COG5: variants seen among roughly 807,000 people sequenced by gnomAD.
COG5 encodes the protein component of oligomeric golgi complex 5.
COG5 carries 86 observed loss-of-function variants against 110.4 expected under a neutral mutation model. That is an observed-to-expected ratio of 0.78 (90% CI 0.65 to 0.93). The LOEUF is 0.93. COG5 is among the 40% of genes least tolerant of loss of function. COG5 has a pLI of 0.00. For synonymous variants in COG5, 360 were observed against 334.6 expected, an observed-to-expected ratio of 1.08 and a Z score of -0.83; for missense variants, 1,077 against 987.0, an observed-to-expected ratio of 1.09 and a Z score of -1.22.
In COG5 at chr7:107,533,743, C is replaced by G. The variant is rs113547939; in HGVS notation, c.418-6386G>C. Among the ~76,000 whole-genome samples the G allele has an allele frequency of 5.1e-3, 781 of 151,684 alleles. 32 individuals are homozygous for G. The highest frequency in any genetic ancestry group is 0.018 in the African/African-American group (738 of 41,028). On this transcript the variant is annotated intron_variant, in intron 5 of 21. Transcript: ENST00000297135. ...TGGAACCAAGTTGGAAAACACACTT[C>G]AAGATATTATCCAGGAGAACTTCCC...
rs184934059 is a variant in COG5 at position 107,467,363 on chromosome 7, A to T, written c.539-54731T>A. Among the ~76,000 whole-genome samples, 300 of 149,912 alleles carry T rather than the reference A, an allele frequency of 2.0e-3. 2 individuals carry two copies. Among genetic ancestry groups the T allele is most frequent in the African/African-American group, 6.9e-3 (279 of 40,696 alleles). ...AAATTGATAATCTGAAATTATTATT[A>T]TTTTTTTTTTGAGACCTAGTCTCAC... is the stretch of plus-strand genomic sequence containing the variant. On this transcript the variant is annotated intron_variant, in intron 6 of 21. Coordinates refer to ENST00000297135, the MANE Select transcript of COG5 (RefSeq NM_006348.5).
intron 7 of COG5, among the ~76,000 whole-genome samples, chr7:107,382,914 A>G (rs1815251873): frequency 6.6e-6 from 1 of 152,188 alleles, no homozygotes; most frequent in South Asian, 2.1e-4. Flanking sequence ...ATTCCTGTAA[A>G]TCAAACAGCA....
chr7:107,413,051 G>T (rs1792426072), intron 6 of COG5, among the ~76,000 whole-genome samples: 1 of 151,878 alleles, frequency 6.6e-6, no homozygotes. Context: ...CACTGCTCAG[G>T]CTGGAGTGTA....
chr7:107,481,494 T>A (rs575205175), intron 6 of COG5, among the ~76,000 whole-genome samples: 2 of 152,142 alleles, frequency 1.3e-5, no homozygotes, highest in Non-Finnish European at 2.9e-5. Flanking sequence ...TATATTAACA[T>A]ATTTATACTT....
At chr7:107,370,795 A>C (rs1238253434) in intron 8 of COG5, among the ~76,000 whole-genome samples, 3 of 141,092 alleles carry the variant, frequency 2.1e-5, no homozygotes, top group African/African-American at 7.7e-5. Context: ...AAAAAAAAAA[A>C]AAAAATTTAT....
chr7:107,226,679 G>A (rs1800364492), intron 19 of COG5, among the ~76,000 whole-genome samples: 1 of 152,174 alleles, frequency 6.6e-6, no homozygotes, highest in African/African-American at 2.4e-5. Context: ...CATCTGATAG[G>A]ACTGAAAACA....
In COG5 at chr7:107,355,218, A is replaced by G. The variant is rs561853823; in HGVS notation, c.1026+6815T>C. ...ACATAAATTTAAAAAATGAGTTACC[A>G]TGACACACCTATTAGAATAGCCGAT... On this transcript the variant is annotated intron_variant, in intron 10 of 21. Coordinates refer to ENST00000297135, the MANE Select transcript of COG5 (RefSeq NM_006348.5). Among the ~76,000 whole-genome samples the G allele has an allele frequency of 1.2e-4, 18 of 152,352 alleles. No individual in the cohort carries two copies. In the South Asian group the frequency reaches 2.7e-3, roughly 23 times the overall value.
chr7:107,207,810 G>A, intron 21 of COG5: 1 of 985,408 alleles, frequency 1.0e-6, no homozygotes, highest in Middle Eastern at 5.2e-4. Context: ...TTAAGCTCCA[G>A]AAAGCATCTG....
chr7:107,485,831 A>G (rs1456868658), intron 6 of COG5, among the ~76,000 whole-genome samples: 1 of 152,202 alleles, frequency 6.6e-6, no homozygotes, highest in Non-Finnish European at 1.5e-5. Flanking sequence ...AAAATATCAT[A>G]AGAATATAAG....
chr7:107,407,864 T>G (rs1312015898), intron 7 of COG5, among the ~76,000 whole-genome samples: 2 of 152,154 alleles, frequency 1.3e-5, no homozygotes, highest in Non-Finnish European at 2.9e-5. Context: ...GCCATAAGTG[T>G]CATTTGGGGA....
intron 16 of COG5, among the ~76,000 whole-genome samples, chr7:107,251,799 G>A (rs1802527760): frequency 6.6e-6 from 1 of 151,874 alleles, no homozygotes; most frequent in African/African-American, 2.4e-5. Context: ...TTAAAAAATA[G>A]CAAAGAAAAC....
intron 6 of COG5, among the ~76,000 whole-genome samples, chr7:107,502,935 AGTC>A (rs1355255990): frequency 8.0e-6 from 1 of 125,084 alleles, no homozygotes; most frequent in Non-Finnish European, 1.9e-5. Context: ...ACAGTTTACA[AGTC>A]TTATCTTCTC....
At chr7:107,546,527 C>T (rs541952990) in intron 5 of COG5, among the ~76,000 whole-genome samples, 1 of 149,062 alleles carries the variant, frequency 6.7e-6, no homozygotes, top group African/African-American at 2.4e-5. Context: ...CTTCCACCTC[C>T]CAGGCTCAAG....
chr7:107,365,202 T>A (rs769090964), intron 8 of COG5, among the ~76,000 whole-genome samples: 11 of 152,156 alleles, frequency 7.2e-5, no homozygotes, highest in Non-Finnish European at 1.5e-4. Context: ...TTAAGTTTTA[T>A]GTAAGTGATA....
At chr7:107,376,483 A>C (rs944546084) in intron 7 of COG5, among the ~76,000 whole-genome samples, 1 of 151,906 alleles carries the variant, frequency 6.6e-6, no homozygotes, top group Non-Finnish European at 1.5e-5. Flanking sequence ...TTCTGTGAAA[A>C]AGTCTTATAT....
At chr7:107,309,232 T>C (rs1024551199) in intron 11 of COG5, among the ~76,000 whole-genome samples, 1 of 152,172 alleles carries the variant, frequency 6.6e-6, no homozygotes, top group African/African-American at 2.4e-5. Context: ...AATATGATTA[T>C]TCATTTACTT....
At chr7:107,549,492 C>T (rs1422921423) in intron 3 of COG5, among the ~76,000 whole-genome samples, 7 of 152,024 alleles carry the variant, frequency 4.6e-5, no homozygotes, top group African/African-American at 1.2e-4. Flanking sequence ...CCCGGGTTCA[C>T]GCCATTCTCC....
chr7:107,427,523 G>A lies in COG5; in HGVS notation c.539-14891C>T, dbSNP rs181425782. On this transcript the variant is annotated intron_variant, in intron 6 of 21. Coordinates refer to ENST00000297135, the MANE Select transcript of COG5 (RefSeq NM_006348.5). The stretch of plus-strand genomic sequence containing the variant: ...ACTGAAGTCTTAACCCTCAGTACCT[G>A]TAAATGTGACTTTACTTGGAAGCAG... Among the ~76,000 whole-genome samples, 8 of 152,078 alleles carry A rather than the reference G, an allele frequency of 5.3e-5. No homozygotes were observed. The East Asian group carries it at 1.4e-3, about 26-fold the overall frequency.
At chr7:107,270,628 T>TACACACACACACACACAC (rs112944834) in intron 14 of COG5, among the ~76,000 whole-genome samples, 119 of 150,714 alleles carry the variant, frequency 7.9e-4, no homozygotes, top group African/African-American at 2.7e-3. Flanking sequence ...AAAGATGTTA[T>TACACACACACACACACAC]ACACACACAC....
Sources: allele counts gnomAD v4.1 joint callset (sites outside exome capture counted in the v4.1 genomes callset), GRCh38; gene constraint gnomAD v4.1.1; transcripts MANE v1.5; gene names NCBI Gene and HGNC (gene_info 2026-07-23, HGNC 2026-07-21).